The following ZNF277 variants were observed in gnomAD, a reference collection of about 807,000 sequenced individuals.
The protein encoded by ZNF277 is nuclear receptor-interacting factor 4.
A neutral mutation model predicts 60.7 loss-of-function variants in ZNF277; 55 were observed. The ratio of observed to expected loss-of-function variants is 0.91; its 90% CI spans 0.73 to 1.13. The LOEUF (loss-of-function observed/expected upper bound fraction) is 1.13. ZNF277 is among the 50% of genes most tolerant of loss of function. The probability of loss-of-function intolerance (pLI) is 0.00; values close to 1 mark genes in which losing one functional copy is unlikely to be tolerated. For missense variants in ZNF277, 510 were observed against 523.0 expected (o/e 0.98, Z 0.24); for synonymous variants, 178 against 179.3 (o/e 0.99, Z 0.06).
Position 112,206,778 on chromosome 7 carries a change from G to A in ZNF277, c.62G>A (p.Cys21Tyr). The A allele has an allele frequency of 6.2e-7, 1 of 1,613,380 alleles. No homozygotes were observed. Among genetic ancestry groups the A allele is most frequent in the East Asian group, 2.2e-5 (1 of 44,820 alleles). ...ARMQEDRDGS[C>Y]STVGGVGYGD... is the part of the protein sequence containing the mutation. ...ATGCAGGAAGACCGTGATGGGAGCT[G>A]CAGCACAGTCGGGGGTGTAGGTTAT... Residue 21 changes from cysteine (C) to tyrosine (Y), a missense_variant, in exon 1 of 12, where the codon TGC becomes TAC. Cys to Tyr is a radical substitution (Grantham distance 194). Transcript: ENST00000361822.
chr7:112,220,536 C>T (rs575852006), intron 1 of ZNF277, among the ~76,000 whole-genome samples: 1 of 152,276 alleles, frequency 6.6e-6, no homozygotes, highest in African/African-American at 2.4e-5. Context: ...CTGGCCAGGG[C>T]TTCAATACTG....
chr7:112,285,204 A>AT (rs1303010502), intron 1 of ZNF277, among the ~76,000 whole-genome samples: 3 of 150,796 alleles, frequency 2.0e-5, no homozygotes, highest in African/African-American at 2.4e-5. Context: ...TTATTTTTGT[A>AT]TTTTTTTAGT....
intron 4 of ZNF277, among the ~76,000 whole-genome samples, chr7:112,302,903 C>G (rs1792509867): frequency 6.6e-6 from 1 of 151,556 alleles, no homozygotes; most frequent in Non-Finnish European, 1.5e-5. Context: ...TCTAATTGCA[C>G]CAGGATACTT....
intron 1 of ZNF277, among the ~76,000 whole-genome samples, chr7:112,218,886 A>T (rs1821954878): frequency 6.6e-6 from 1 of 152,120 alleles, no homozygotes; most frequent in African/African-American, 2.4e-5. Flanking sequence ...ACTTAGCTTG[A>T]TTCTTTATCT....
chr7:112,305,985 C>G (rs1792580156), intron 4 of ZNF277, among the ~76,000 whole-genome samples: 1 of 152,102 alleles, frequency 6.6e-6, no homozygotes, highest in Non-Finnish European at 1.5e-5. Context: ...CAAAAGAAAG[C>G]TAGTACTTTG....
chr7:112,271,421 AT>A (rs1391623427), intron 1 of ZNF277, among the ~76,000 whole-genome samples: 2 of 152,164 alleles, frequency 1.3e-5, no homozygotes, highest in Non-Finnish European at 2.9e-5. Flanking sequence ...TGGAGATGGG[AT>A]TTATGATACT....
chr7:112,291,472 T>C (rs1174488537), intron 2 of ZNF277, among the ~76,000 whole-genome samples: 1 of 152,196 alleles, frequency 6.6e-6, no homozygotes, highest in Non-Finnish European at 1.5e-5. Flanking sequence ...TGATAACTCA[T>C]CCAAATAGAG....
At chr7:112,326,758 G>A (rs1433270053) in intron 5 of ZNF277, among the ~76,000 whole-genome samples, 4 of 151,986 alleles carry the variant, frequency 2.6e-5, no homozygotes, top group African/African-American at 7.3e-5. Context: ...GACCAGGTAA[G>A]TGTCTAAATA....
intron 4 of ZNF277, among the ~76,000 whole-genome samples, chr7:112,302,117 T>A (rs926105704): frequency 6.6e-6 from 1 of 152,146 alleles, no homozygotes; most frequent in East Asian, 1.9e-4. Context: ...GTATTTTTTT[T>A]AATCACTATT....
In ZNF277 at chr7:112,237,734, C is replaced by T. The variant is rs535006614; in HGVS notation, c.91+30927C>T. ...GGACCATATGGTTTCCAGCTAAATTCCACCAGATATACAAAGAAGAACTGG... is the reference window on the plus strand; with the variant it reads ...GGACCATATGGTTTCCAGCTAAATTTCACCAGATATACAAAGAAGAACTGG... On this transcript the variant is annotated intron_variant, in intron 1 of 11. Coordinates refer to ENST00000361822, the MANE Select transcript of ZNF277 (RefSeq NM_021994.3). 2.6e-5 allele frequency among the ~76,000 whole-genome samples: 4 copies of T among 152,230 alleles called. No homozygotes were observed. In the South Asian group the frequency reaches 8.3e-4, roughly 32 times the overall value.
At chr7:112,276,679 A>G (rs1032531308) in intron 1 of ZNF277, among the ~76,000 whole-genome samples, 10 of 152,212 alleles carry the variant, frequency 6.6e-5, no homozygotes, top group Non-Finnish European at 1.2e-4. Flanking sequence ...AGCAATTATT[A>G]TTAGTAAATT....
At chr7:112,314,630 C>CA (rs35309075) in intron 4 of ZNF277, among the ~76,000 whole-genome samples, 3 of 151,858 alleles carry the variant, frequency 2.0e-5, no homozygotes, top group Admixed American at 1.3e-4. Flanking sequence ...CCTGTCTCTA[C>CA]AAAAAAATAC....
At chr7:112,317,713 CTTTA>C (rs1792873037) in intron 4 of ZNF277, among the ~76,000 whole-genome samples, 2 of 152,102 alleles carry the variant, frequency 1.3e-5, no homozygotes, top group African/African-American at 4.8e-5. Context: ...CTTTAGGAGA[CTTTA>C]TTTATGGTAA....
intron 4 of ZNF277, among the ~76,000 whole-genome samples, chr7:112,302,038 G>T (rs573648274): frequency 6.6e-6 from 1 of 152,160 alleles, no homozygotes; most frequent in Admixed American, 6.6e-5. Context: ...TGTGGTATTC[G>T]TTAAGTTCTC....
chr7:112,295,645 T>A (rs1006551782), intron 2 of ZNF277, among the ~76,000 whole-genome samples: 2 of 152,142 alleles, frequency 1.3e-5, no homozygotes, highest in Non-Finnish European at 2.9e-5. Flanking sequence ...AGTTTAGTCA[T>A]TTTCATGCCC....
At chr7:112,266,627 C>T (rs2117032204) in intron 1 of ZNF277, among the ~76,000 whole-genome samples, 1 of 152,150 alleles carries the variant, frequency 6.6e-6, no homozygotes, top group African/African-American at 2.4e-5. Context: ...AAAGACCTCA[C>T]CAGCATATCG....
chr7:112,307,455 G>A (rs533303938), intron 4 of ZNF277, among the ~76,000 whole-genome samples: 8 of 151,808 alleles, frequency 5.3e-5, no homozygotes, highest in South Asian at 2.1e-4. Context: ...TCACTCTGTC[G>A]CCAGGCTGGA....
chr7:112,257,745 T>C (rs1455938106), intron 1 of ZNF277, among the ~76,000 whole-genome samples: 1 of 152,200 alleles, frequency 6.6e-6, no homozygotes, highest in Non-Finnish European at 1.5e-5. Flanking sequence ...TATTGAAAAG[T>C]GGAAAATCAC....
chr7:112,270,664 T>G (rs1259414935), intron 1 of ZNF277, among the ~76,000 whole-genome samples: 1 of 152,148 alleles, frequency 6.6e-6, no homozygotes, highest in African/African-American at 2.4e-5. Context: ...TTTTATCAGG[T>G]ATCTACAAAA....
Sources: gnomAD v4.1 joint callset for allele counts (sites outside exome capture counted in the v4.1 genomes callset) on GRCh38, gnomAD v4.1.1 for gene constraint, MANE v1.5 for transcripts, NCBI Gene and HGNC (gene_info 2026-07-23, HGNC 2026-07-21) for gene names.